The following FANCB variants were observed in gnomAD, a reference collection of about 807,000 sequenced individuals.
FANCB encodes the protein FA complementation group B, also known as Fanconi anemia group B protein.
In FANCB, 5 loss-of-function variants were observed where a neutral mutation model predicts 38.9. That is an observed-to-expected ratio of 0.13 (90% CI 0.07 to 0.27). FANCB has a LOEUF of 0.27. Among genes scored for constraint, FANCB ranks in the 10% least tolerant of loss-of-function variants. FANCB has a pLI of 1.00. For synonymous variants in FANCB, 236 were observed against 215.4 expected (o/e 1.10, Z -0.84); for missense variants, 573 against 602.7 (o/e 0.95, Z 0.52).
rs757438525 is a variant in FANCB, at chrX:14,859,080, G to A, written c.1104+102C>T. On this transcript the variant is annotated intron_variant, in intron 4 of 9. Transcript: ENST00000650831. ...ATATTTTTAAAGTTCAAAATTTTAA[G>A]TATAAAACCACCAATATTTAAATGA... 5 of 504,395 alleles carry A rather than the reference G, an allele frequency of 9.9e-6. No individual in the cohort carries two copies. In the South Asian group the frequency reaches 2.0e-4, roughly 20 times the overall value. The allele number at this position is 504,395 out of a possible 1,213,427, so 41.6% of individuals were successfully genotyped here. A position where few individuals can be genotyped will look rare whatever the true frequency, so the allele number is the denominator to read the frequency against.
rs1317100453 is a variant in FANCB at position 14,865,328 on chromosome X, G to A, written c.183C>T (p.Ser61=). ...CTTCCTTTATGGTAAAAAATCCAGT[G>A]GACTTCTGAACAAATACTTTTGTTC... ...DRGTKVFVQK[S]TGFFTIKEEN... The change falls in exon 3 of 10, where the codon TCC becomes TCT. Residue 61 remains serine (S), a synonymous_variant. Coordinates refer to ENST00000650831, the MANE Select transcript of FANCB (RefSeq NM_001018113.3). 4.3e-6 allele frequency: 5 copies of A among 1,174,553 alleles called. No individual in the cohort carries two copies. Among genetic ancestry groups the A allele is most frequent in the South Asian group, 3.9e-5 (2 of 51,182 alleles).
the FANCB span, among the ~76,000 whole-genome samples, chrX:14,814,885 G>T: frequency 2.7e-5 from 3 of 111,894 alleles, no homozygotes; most frequent in Admixed American, 9.5e-5. Context: ...GATTATTGCG[G>T]CACTATTCAT....
At chrX:14,862,756 G>A (rs1321873299) in intron 3 of FANCB, among the ~76,000 whole-genome samples, 1 of 111,496 alleles carries the variant, frequency 9.0e-6, no homozygotes, top group Non-Finnish European at 1.9e-5. Context: ...TCCCCTCTCA[G>A]AGTCAGAATG....
the FANCB span, among the ~76,000 whole-genome samples, chrX:14,694,652 G>T: frequency 8.9e-6 from 1 of 111,914 alleles, no homozygotes; most frequent in East Asian, 2.8e-4. Context: ...ATGAAGGAAA[G>T]TGGTTAGGTT....
chrX:14,709,938 C>CA, the FANCB span, among the ~76,000 whole-genome samples: 1 of 111,771 alleles, frequency 8.9e-6, no homozygotes, highest in South Asian at 3.8e-4. Flanking sequence ...TAAGATTGGC[C>CA]AGAGAAAGCA....
the FANCB span, among the ~76,000 whole-genome samples, chrX:14,778,429 A>T: frequency 1.8e-5 from 2 of 111,951 alleles, no homozygotes; most frequent in Non-Finnish European, 3.8e-5. Flanking sequence ...CAGAATTCCC[A>T]CCTAACCCAA....
chrX:14,764,207 G>A, the FANCB span, among the ~76,000 whole-genome samples: 9 of 111,375 alleles, frequency 8.1e-5, no homozygotes, highest in South Asian at 2.6e-3. Context: ...GGAGTCTCAG[G>A]GTCTTAGGCT....
chrX:14,703,412 T>A, the FANCB span, among the ~76,000 whole-genome samples: 2 of 111,840 alleles, frequency 1.8e-5, no homozygotes, highest in Non-Finnish European at 3.8e-5. Flanking sequence ...TTGCCATGTG[T>A]ACCTCTGACC....
the FANCB span, chrX:14,730,593 G>GGGGGGTGGGGGGGGT: frequency 8.4e-6 from 1 of 119,660 alleles, no homozygotes; most frequent in Non-Finnish European, 1.7e-5. Context: ...GAGGGAGGGG[G>GGGGGGTGGGGGGGGT]GAGGGAGGGT....
the FANCB span, among the ~76,000 whole-genome samples, chrX:14,815,373 T>A: frequency 1.1e-5 from 1 of 93,233 alleles, no homozygotes; most frequent in African/African-American, 3.8e-5. Flanking sequence ...CCATAAAAGG[T>A]AAAAAAAAAA....
the FANCB span, among the ~76,000 whole-genome samples, chrX:14,804,387 G>A: frequency 9.0e-6 from 1 of 111,682 alleles, no homozygotes; most frequent in Admixed American, 9.5e-5. Flanking sequence ...CGCAAGGACA[G>A]AAAACCAAAC....
chrX:14,788,470 C>T, the FANCB span, among the ~76,000 whole-genome samples: 1 of 111,314 alleles, frequency 9.0e-6, no homozygotes, highest in African/African-American at 3.3e-5. Context: ...AGAACCATTG[C>T]TGTCCTGATA....
chrX:14,862,546 G>A (rs765591640), intron 3 of FANCB, among the ~76,000 whole-genome samples: 4 of 111,758 alleles, frequency 3.6e-5, no homozygotes, highest in African/African-American at 9.8e-5. Context: ...AGAGAGTGAC[G>A]ATTGCAATTA....
chrX:14,845,184 A>G lies in FANCB; in HGVS notation c.1599T>C (p.Asn533=). ...CQNRVIKLST[N]PFPAPYLMPC... Reference sequence around the variant, plus strand: ...GCATCAAGTATGGTGCTGGGAAAGGATTTGTACTCAACTTAATCACCCTAT... The same window carrying G: ...GCATCAAGTATGGTGCTGGGAAAGGGTTTGTACTCAACTTAATCACCCTAT... Residue 533 remains asparagine (N), a synonymous_variant, in exon 8 of 10, where the codon AAT becomes AAC. Coordinates refer to ENST00000650831, the MANE Select transcript of FANCB (RefSeq NM_001018113.3). The G allele has an allele frequency of 8.3e-7, 1 of 1,209,989 alleles. No homozygotes were observed. Among genetic ancestry groups the G allele is most frequent in the Non-Finnish European group, 1.1e-6 (1 of 894,076 alleles).
intron 1 of FANCB, among the ~76,000 whole-genome samples, chrX:14,871,622 ATGTGTG>A (rs57974300): frequency 4.7e-5 from 5 of 106,631 alleles, no homozygotes; most frequent in Non-Finnish European, 7.7e-5. Context: ...CTATCTATAT[ATGTGTG>A]TGTGTGTGTG....
the FANCB span, among the ~76,000 whole-genome samples, chrX:14,755,473 A>G: frequency 8.9e-6 from 1 of 112,074 alleles, no homozygotes; most frequent in Admixed American, 9.5e-5. Context: ...AAACCAACAT[A>G]TGAAAGTCAG....
the FANCB span, among the ~76,000 whole-genome samples, chrX:14,812,622 T>G: frequency 9.2e-6 from 1 of 108,883 alleles, no homozygotes; most frequent in East Asian, 2.8e-4. Context: ...CAGGAAGAAG[T>G]TGAGTCTCTG....
the FANCB span, among the ~76,000 whole-genome samples, chrX:14,701,327 G>T: frequency 9.0e-6 from 1 of 111,023 alleles, no homozygotes; most frequent in South Asian, 3.8e-4. Context: ...ATAACCAGAT[G>T]GTGGGTTCCA....
downstream of FANCB, among the ~76,000 whole-genome samples, chrX:14,841,973 T>C (rs912441930): frequency 2.7e-5 from 3 of 111,915 alleles, no homozygotes; most frequent in African/African-American, 9.7e-5. Flanking sequence ...TAGTTTTTTT[T>C]TTCCTAAGCA....
Sources: gnomAD v4.1 joint callset for allele counts (sites outside exome capture counted in the v4.1 genomes callset) on GRCh38, gnomAD v4.1.1 for gene constraint, MANE v1.5 for transcripts, NCBI Gene and HGNC (gene_info 2026-07-23, HGNC 2026-07-21) for gene names.